The following GAS7 variants were observed in gnomAD, a reference collection of about 807,000 sequenced individuals.
GAS7 encodes growth arrest specific 7.
A neutral mutation model predicts 71.1 loss-of-function variants in GAS7; 28 were observed. The ratio of observed to expected loss-of-function variants is 0.39; its 90% confidence interval spans 0.29 to 0.54. The LOEUF (loss-of-function observed/expected upper bound fraction) is 0.54, where lower values mean the gene tolerates loss of function less well. Among genes scored for constraint, GAS7 ranks in the 20% least tolerant of loss-of-function variants. The pLI is 0.62. For synonymous variants in GAS7, 258 were observed against 245.8 expected (o/e 1.05, Z -0.46); for missense variants, 436 against 627.8 (o/e 0.69, Z 3.27).
intron 1 of GAS7, among the ~76,000 whole-genome samples, chr17:10,118,660 C>T (rs1193176656): frequency 7.0e-6 from 1 of 143,082 alleles, no homozygotes; most frequent in East Asian, 2.0e-4. Context: ...GCTGAGATTG[C>T]GCCATTGCAC....
intron 1 of GAS7, among the ~76,000 whole-genome samples, chr17:10,142,049 A>C (rs901236484): frequency 3.3e-5 from 5 of 152,028 alleles, no homozygotes; most frequent in South Asian, 2.1e-4. Flanking sequence ...TAACATGGTG[A>C]AACCCCGTCT....
At chr17:9,976,349 T>G (rs2070202411) in intron 3 of GAS7, among the ~76,000 whole-genome samples, 1 of 152,042 alleles carries the variant, frequency 6.6e-6, no homozygotes, top group Non-Finnish European at 1.5e-5. Flanking sequence ...TTCCCTGGAG[T>G]CAGGGGTGAG....
rs772714331 is a variant in GAS7 at position 9,934,220 on chromosome 17, C to A, written c.831G>T (p.Gln277His). 1.2e-6 allele frequency: 2 copies of A among 1,612,610 alleles called. No individual in the cohort carries two copies. The highest frequency in any genetic ancestry group is 1.3e-5 in the African/African-American group (1 of 75,002). The change falls in exon 9 of 14, where the codon CAG (glutamine) becomes CAT (histidine). Residue 277 changes from glutamine (Q) to histidine (H), a missense_variant. Coordinates refer to ENST00000432992, the MANE Select transcript of GAS7 (RefSeq NM_201433.2). ...EEGSLGEAWA[Q>H]VKKSLADEAE... ...CTTCGTCCGCCAGGCTCTTCTTCACCTGGGCCCACGCCTCTCCCAAGGAGC... is the reference window on the plus strand; with the variant it reads ...CTTCGTCCGCCAGGCTCTTCTTCACATGGGCCCACGCCTCTCCCAAGGAGC...
intron 9 of GAS7, among the ~76,000 whole-genome samples, chr17:9,932,485 G>A (rs1459714570): frequency 7.2e-5 from 11 of 152,134 alleles, no homozygotes; most frequent in Non-Finnish European, 1.3e-4. Context: ...GAGCCACCAC[G>A]CCTGGCCCCT....
At chr17:10,149,988 G>C (rs1372965850) in intron 1 of GAS7, among the ~76,000 whole-genome samples, 3 of 152,086 alleles carry the variant, frequency 2.0e-5, no homozygotes, top group Non-Finnish European at 4.4e-5. Context: ...AACAGGGAAG[G>C]GGTTTCTTTC....
At chr17:10,069,206 G>T (rs994182220) in intron 1 of GAS7, among the ~76,000 whole-genome samples, 1 of 152,168 alleles carries the variant, frequency 6.6e-6, no homozygotes, top group Non-Finnish European at 1.5e-5. Context: ...TTTCTAAGGA[G>T]GGCTCCCCGG....
At chr17:10,167,653 G>GTCTTTTTTT (rs2074305759) in intron 1 of GAS7, among the ~76,000 whole-genome samples, 1 of 152,010 alleles carries the variant, frequency 6.6e-6, no homozygotes, top group Admixed American at 6.6e-5. Context: ...CATTGCGAAG[G>GTCTTTTTTT]TCTTTTTTTT....
intron 5 of GAS7, among the ~76,000 whole-genome samples, chr17:9,958,317 C>T (rs1388585331): frequency 2.0e-5 from 3 of 152,206 alleles, no homozygotes; most frequent in Admixed American, 1.3e-4. Flanking sequence ...ATAATAAGTG[C>T]ACACAAAAGT....
At chr17:10,133,523 T>TA (rs1477582031) in intron 1 of GAS7, among the ~76,000 whole-genome samples, 1 of 152,190 alleles carries the variant, frequency 6.6e-6, no homozygotes, top group East Asian at 1.9e-4. Context: ...CTGAGCTCAT[T>TA]AATCTACGCA....
rs2152064006 is a variant in GAS7, at chr17:9,917,251, G to A, written c.1408C>T (p.Arg470Cys). Residue 470 changes from arginine to cysteine, a missense_variant, in exon 14 of 14, where the codon CGC (arginine) becomes TGC (cysteine). Physicochemically the swap from Arg to Cys is radical, Grantham distance 180. Coordinates refer to ENST00000432992, the MANE Select transcript of GAS7 (RefSeq NM_201433.2). ...ATCTAGATCTCCATGTCCACAGGGC[G>A]GATGTTGCCCGTCTTGTGCTCTCTG... ...WVREHKTGNI[R>C]PVDMEI The A allele has an allele frequency of 4.3e-6, 7 of 1,609,788 alleles. No individual in the cohort carries two copies. The highest frequency in any genetic ancestry group is 1.3e-5 in the African/African-American group (1 of 74,970).
At chr17:9,971,377 C>T (rs1234069874) in intron 3 of GAS7, among the ~76,000 whole-genome samples, 3 of 152,076 alleles carry the variant, frequency 2.0e-5, no homozygotes, top group Admixed American at 2.0e-4. Context: ...CGGACAACAC[C>T]GTGAGACCTC....
intron 3 of GAS7, among the ~76,000 whole-genome samples, chr17:9,971,149 T>G (rs1421454897): frequency 6.6e-6 from 1 of 152,150 alleles, no homozygotes; most frequent in African/African-American, 2.4e-5. Context: ...ATAATCCCAG[T>G]ACTTCGTGAG....
chr17:10,127,866 A>G (rs9913911), intron 1 of GAS7, among the ~76,000 whole-genome samples: 48,892 of 152,032 alleles, frequency 0.32, 8,639 homozygotes, highest in East Asian at 0.52. Flanking sequence ...ACCAGAACCC[A>G]CGCAAAGATC....
chr17:10,044,704 A>G (rs977269922), intron 1 of GAS7, among the ~76,000 whole-genome samples: 1 of 152,228 alleles, frequency 6.6e-6, no homozygotes, highest in Non-Finnish European at 1.5e-5. Context: ...ATTGAAAAGA[A>G]TCCACATATA....
At chr17:10,175,765 G>A (rs1442726468) in intron 1 of GAS7, among the ~76,000 whole-genome samples, 1 of 152,170 alleles carries the variant, frequency 6.6e-6, no homozygotes, top group Non-Finnish European at 1.5e-5. Flanking sequence ...CTCCCAAAGG[G>A]TTAGGATTAC....
At chr17:10,071,712 G>A (rs1414961594) in intron 1 of GAS7, among the ~76,000 whole-genome samples, 2 of 152,106 alleles carry the variant, frequency 1.3e-5, no homozygotes, top group African/African-American at 4.8e-5. Context: ...ATCACCTGAG[G>A]TCAGGAGTTC....
intron 1 of GAS7, among the ~76,000 whole-genome samples, chr17:10,055,558 C>T (rs1294009119): frequency 1.3e-5 from 2 of 152,198 alleles, no homozygotes; most frequent in African/African-American, 2.4e-5. Flanking sequence ...GAAAACCCGT[C>T]CCCTCCCTTT....
intron 1 of GAS7, among the ~76,000 whole-genome samples, chr17:10,062,057 A>G (rs1406143722): frequency 1.3e-5 from 2 of 152,222 alleles, no homozygotes; most frequent in African/African-American, 2.4e-5. Context: ...CACACTGACC[A>G]GGCTTCAGTT....
At chr17:9,980,244 T>C (rs1202250943) in intron 3 of GAS7, among the ~76,000 whole-genome samples, 1 of 152,206 alleles carries the variant, frequency 6.6e-6, no homozygotes. Flanking sequence ...GCCTAAGCAA[T>C]ATGCTTTGAA....
Sources: allele counts gnomAD v4.1 joint callset (sites outside exome capture counted in the v4.1 genomes callset), GRCh38; gene constraint gnomAD v4.1.1; transcripts MANE v1.5; gene names NCBI Gene and HGNC (gene_info 2026-07-23, HGNC 2026-07-21).